The following BAZ2B variants were observed in gnomAD, a reference collection of about 807,000 sequenced individuals.
BAZ2B encodes the protein bromodomain adjacent to zinc finger domain 2B, also known as bromodomain adjacent to zinc finger domain protein 2B.
Under a neutral mutation model 246.0 loss-of-function variants are expected in BAZ2B, and 91 were observed. The observed-to-expected ratio is 0.37, with a 90% CI of 0.31 to 0.44. The LOEUF (loss-of-function observed/expected upper bound fraction) is 0.44. BAZ2B is among the 20% of genes least tolerant of loss of function. BAZ2B has a pLI of 1.00. For missense variants in BAZ2B, 2,332 were observed against 2,533.7 expected, an observed-to-expected ratio of 0.92 and a Z score of 1.71; for synonymous variants, 855 against 860.0, an observed-to-expected ratio of 0.99 and a Z score of 0.10.
the BAZ2B span, among the ~76,000 whole-genome samples, chr2:159,699,758 A>G: frequency 6.6e-6 from 1 of 152,214 alleles, no homozygotes; most frequent in East Asian, 1.9e-4. Flanking sequence ...CAAAACCTAC[A>G]ATATATTTTA....
intron 1 of BAZ2B, among the ~76,000 whole-genome samples, chr2:159,592,969 C>G (rs962603856): frequency 6.6e-6 from 1 of 152,154 alleles, no homozygotes; most frequent in African/African-American, 2.4e-5. Flanking sequence ...CACTGAGTTC[C>G]TTGCCTGGAG....
chr2:159,327,650 T>C (rs2063910223), intron 34 of BAZ2B, among the ~76,000 whole-genome samples: 1 of 152,216 alleles, frequency 6.6e-6, no homozygotes. Flanking sequence ...TTAGATTAAA[T>C]AACTGTGTTA....
chr2:159,590,059 C>T (rs1053371396), intron 1 of BAZ2B, among the ~76,000 whole-genome samples: 15 of 151,406 alleles, frequency 9.9e-5, no homozygotes, highest in East Asian at 3.9e-4. Flanking sequence ...TGCTGGCAGG[C>T]GCCTGTAATC....
chr2:159,432,047 T>C (rs148093943), intron 9 of BAZ2B, among the ~76,000 whole-genome samples: 2 of 152,292 alleles, frequency 1.3e-5, no homozygotes, highest in Non-Finnish European at 2.9e-5. Flanking sequence ...ACACTTTAAA[T>C]TGTACAGCTG....
the BAZ2B span, among the ~76,000 whole-genome samples, chr2:159,623,011 G>A: frequency 7.7e-6 from 1 of 130,182 alleles, no homozygotes; most frequent in Non-Finnish European, 1.6e-5. Flanking sequence ...GAGAGAAACA[G>A]GAAAGGAAAG....
intron 1 of BAZ2B, among the ~76,000 whole-genome samples, chr2:159,606,634 T>G (rs1481315906): frequency 6.6e-6 from 1 of 152,208 alleles, no homozygotes. Context: ...ACCTCAAAAC[T>G]TATCCTTGTA....
chr2:159,682,110 A>G, the BAZ2B span, among the ~76,000 whole-genome samples: 1 of 151,512 alleles, frequency 6.6e-6, no homozygotes, highest in South Asian at 2.1e-4. Context: ...TGGCAATCCT[A>G]TAGGACTGGG....
chr2:159,688,442 A>C, the BAZ2B span, among the ~76,000 whole-genome samples: 1 of 152,230 alleles, frequency 6.6e-6, no homozygotes, highest in African/African-American at 2.4e-5. Flanking sequence ...TCCCTTTATA[A>C]AGATATTTTT....
intron 2 of BAZ2B, among the ~76,000 whole-genome samples, chr2:159,519,820 G>C (rs1444703014): frequency 9.8e-5 from 5 of 51,054 alleles, no homozygotes; most frequent in Non-Finnish European, 1.6e-4. Flanking sequence ...CTGGCCAAGG[G>C]ACCTTTCTTT....
At chr2:159,583,977 TGAA>T (rs1230694787) in intron 1 of BAZ2B, among the ~76,000 whole-genome samples, 15 of 151,852 alleles carry the variant, frequency 9.9e-5, no homozygotes, top group African/African-American at 1.5e-4. Context: ...TGGCCCAGAG[TGAA>T]GAAGAAGTGT....
intron 20 of BAZ2B, among the ~76,000 whole-genome samples, chr2:159,392,983 A>T (rs1163967032): frequency 1.4e-5 from 2 of 138,862 alleles, no homozygotes; most frequent in African/African-American, 5.6e-5. Flanking sequence ...TTAGAAATTT[A>T]AAAATTATCT....
At chr2:159,463,586 A>G (rs2076673413) in intron 3 of BAZ2B, 1 of 152,412 alleles carries the variant, frequency 6.6e-6, no homozygotes, top group Admixed American at 6.5e-5. Context: ...CAGGTGTGAG[A>G]TGATAGCTCA....
At chr2:159,601,002 T>G (rs1447770056) in intron 1 of BAZ2B, among the ~76,000 whole-genome samples, 1 of 152,062 alleles carries the variant, frequency 6.6e-6, no homozygotes, top group African/African-American at 2.4e-5. Context: ...CTCCTCCCAC[T>G]CACATCTTCA....
intron 16 of BAZ2B, 77 bp downstream of exon 16, chr2:159,404,772 A>C: frequency 8.1e-7 from 1 of 1,237,170 alleles, no homozygotes; most frequent in Non-Finnish European, 1.1e-6. Context: ...TTAAGAAATC[A>C]AAAATAATGT....
chr2:159,431,470 G>A (rs1010542586), intron 9 of BAZ2B, among the ~76,000 whole-genome samples: 7 of 152,066 alleles, frequency 4.6e-5, no homozygotes, highest in African/African-American at 1.7e-4. Context: ...AGTAAAAGAG[G>A]GGATTAAATT....
the BAZ2B span, among the ~76,000 whole-genome samples, chr2:159,660,196 C>T: frequency 6.6e-6 from 1 of 152,138 alleles, no homozygotes; most frequent in Non-Finnish European, 1.5e-5. Context: ...ATATATATCA[C>T]AAATAAGTGA....
intron 2 of BAZ2B, among the ~76,000 whole-genome samples, chr2:159,541,803 C>T (rs1481418525): frequency 6.6e-6 from 1 of 152,080 alleles, no homozygotes; most frequent in African/African-American, 2.4e-5. Flanking sequence ...TGTCCAGGTT[C>T]CTCTCATTTC....
At chr2:159,616,664 A>T (rs28584223), upstream of BAZ2B, 13 of 152,206 alleles carry the variant, frequency 8.5e-5, no homozygotes, top group African/African-American at 3.1e-4. Context: ...ATAATAAATG[A>T]CCTATCAGCT....
chr2:159,574,743 T>C (rs1169950579), intron 1 of BAZ2B, among the ~76,000 whole-genome samples: 5 of 152,046 alleles, frequency 3.3e-5, no homozygotes, highest in Admixed American at 3.3e-4. Flanking sequence ...CCCGGCACTT[T>C]GGGAGGCTGA....
Sources: gnomAD v4.1 joint callset for allele counts (sites outside exome capture counted in the v4.1 genomes callset) on GRCh38, gnomAD v4.1.1 for gene constraint, MANE v1.5 for transcripts, NCBI Gene and HGNC (gene_info 2026-07-23, HGNC 2026-07-21) for gene names.